Variants in CCT6A observed in about 807,000 individuals in gnomAD.
CCT6A encodes the protein T-complex protein 1 subunit zeta.
Under a neutral mutation model 58.6 loss-of-function variants are expected in CCT6A, and 6 were observed. That is an observed-to-expected ratio of 0.10 (90% CI 0.06 to 0.20). CCT6A has a LOEUF of 0.20. Ranked by LOEUF, CCT6A falls within the 10% of genes least tolerant of loss-of-function variation. The pLI is 1.00. For missense variants in CCT6A, 516 were observed against 648.8 expected, an observed-to-expected ratio of 0.80 and a Z score of 2.22; for synonymous variants, 245 against 227.8, an observed-to-expected ratio of 1.08 and a Z score of -0.68.
intron 12 of CCT6A, 197 bp downstream of exon 12, chr7:56,062,046 T>G: frequency 2.6e-4 from 110 of 425,694 alleles, no homozygotes; most frequent in East Asian, 3.8e-4. Flanking sequence ...TAGACATGAG[T>G]AATTTGGGGA....
At chr7:56,060,640 G>C in intron 10 of CCT6A, 167 bp from the exon 11 acceptor site, 1 of 982,416 alleles carries the variant, frequency 1.0e-6, no homozygotes, top group South Asian at 1.3e-5. Flanking sequence ...GCTGCCAGTG[G>C]CTAGTGAAGC....
chr7:56,055,551 AT>A, intron 3 of CCT6A, 72 bp from the exon 4 acceptor site: 2 of 1,283,646 alleles, frequency 1.6e-6, no homozygotes, highest in Non-Finnish European at 2.2e-6. Context: ...TCCTTCAATA[AT>A]TACCTGAACT....
intron 2 of CCT6A, among the ~76,000 whole-genome samples, chr7:56,052,802 TTTTTTTA>T (rs1221377310): frequency 5.2e-3 from 122 of 23,534 alleles, no homozygotes; most frequent in Non-Finnish European, 0.01. Flanking sequence ...TCTTTTTTTT[TTTTTTTA>T]ATTAGACGAA....
rs192970041 is a variant in CCT6A at position 56,060,407 on chromosome 7, A to C, written c.1204A>C (p.Ile402Leu). Residue 402 changes from isoleucine to leucine, a missense_variant, in exon 10 of 14, where the codon ATT (isoleucine) becomes CTT (leucine). Physicochemically the swap from Ile to Leu is conservative, Grantham distance 5. Transcript: ENST00000275603. ...RDGLRAVKNAIDDGCVVPGAG... is the reference protein window; with the variant it reads ...RDGLRAVKNALDDGCVVPGAG... ...CGGCTTGAGGGCTGTCAAAAATGCTATTGATGATGGTAAGATCCTCACTGT... is the reference window on the plus strand; with the variant it reads ...CGGCTTGAGGGCTGTCAAAAATGCTCTTGATGATGGTAAGATCCTCACTGT... 2 of 1,614,056 alleles carry C rather than the reference A, an allele frequency of 1.2e-6. No homozygotes were observed. The highest frequency in any genetic ancestry group is 8.5e-7 in the Non-Finnish European group (1 of 1,179,918).
intron 10 of CCT6A, 157 bp downstream of exon 10, chr7:56,060,573 A>G: frequency 1.1e-6 from 1 of 945,462 alleles, no homozygotes; most frequent in Non-Finnish European, 1.7e-6. Context: ...GGTTTTTCAT[A>G]GCATATCATT....
intron 5 of CCT6A, 32 bp downstream of exon 5, chr7:56,056,446 G>A: frequency 9.6e-7 from 1 of 1,038,488 alleles, no homozygotes; most frequent in Non-Finnish European, 1.5e-6. Flanking sequence ...AATACTAATG[G>A]GCATGGAGGC....
At chr7:56,056,247 T>C in intron 4 of CCT6A, 64 bp from the exon 5 acceptor site, 2 of 883,368 alleles carry the variant, frequency 2.3e-6, no homozygotes, top group Non-Finnish European at 3.9e-6. Flanking sequence ...TTTAGCCTTC[T>C]GAAAAGCAAC....
intron 4 of CCT6A, 165 bp downstream of exon 4, chr7:56,055,962 A>C (rs1039380178): frequency 1.8e-6 from 1 of 569,042 alleles, no homozygotes; most frequent in African/African-American, 1.9e-5. Context: ...GGAAATTAAA[A>C]TAATAGTATA....
chr7:56,061,692 TTTAC>T, intron 11 of CCT6A, 51 bp from the exon 12 acceptor site: 1 of 523,416 alleles, frequency 1.9e-6, no homozygotes, highest in South Asian at 2.2e-5. Flanking sequence ...TTTTTTTTTT[TTTAC>T]TATCAGTTAT....
chr7:56,053,940 C>T (rs1794247521), intron 2 of CCT6A, among the ~76,000 whole-genome samples: 1 of 152,218 alleles, frequency 6.6e-6, no homozygotes, highest in Non-Finnish European at 1.5e-5. Flanking sequence ...TCTCTCCAAT[C>T]TCCAGAAGTC....
chr7:56,061,044 G>A, intron 11 of CCT6A, 104 bp downstream of exon 11: 2 of 1,306,864 alleles, frequency 1.5e-6, no homozygotes, highest in South Asian at 3.0e-5. Context: ...AAGCAAGTTT[G>A]ATCAGTTTTC....
intron 2 of CCT6A, among the ~76,000 whole-genome samples, chr7:56,054,157 G>A (rs1794254665): frequency 7.2e-6 from 1 of 139,424 alleles, no homozygotes; most frequent in South Asian, 2.4e-4. Flanking sequence ...CATCTGTAAA[G>A]TAGAGATAAC....
chr7:56,060,943 G>A lies in CCT6A; in HGVS notation c.1347+3G>A. 5.6e-6 allele frequency: 9 copies of A among 1,601,920 alleles called. No individual in the cohort carries two copies. Among genetic ancestry groups the A allele is most frequent in the Non-Finnish European group, 7.7e-6 (9 of 1,176,258 alleles). On this transcript the variant is annotated splice_donor_region_variant and intron_variant, in intron 11 of 13. Transcript: ENST00000275603. Reference sequence around the variant, plus strand: ...ATGCATTGCTCATTATTCCCAAGGTGTGCATGCTTTTAACAGTCAATCTTC... The same window carrying A: ...ATGCATTGCTCATTATTCCCAAGGTATGCATGCTTTTAACAGTCAATCTTC...
At chr7:56,053,733 A>G (rs575476740) in intron 2 of CCT6A, among the ~76,000 whole-genome samples, 1 of 152,290 alleles carries the variant, frequency 6.6e-6, no homozygotes, top group South Asian at 2.1e-4. Context: ...ATTCCAGTGT[A>G]GGAGACAGAG....
In CCT6A at chr7:56,051,896, G is replaced by C; in HGVS notation, c.48G>C (p.Ala16=). 6.4e-7 allele frequency: 1 copy of C among 1,556,624 alleles called. No homozygotes were observed. Among genetic ancestry groups the C allele is most frequent in the Non-Finnish European group, 8.7e-7 (1 of 1,150,556 alleles). The change falls in exon 1 of 14, where the codon GCG becomes GCC. Residue 16 remains alanine, a synonymous_variant. Transcript: ENST00000275603. ...ACCCCAAGGCCGAGGTGGCCCGAGC[G>C]CAGGCGGCGCTGGCGGTCAACATCA... ...TLNPKAEVAR[A]QAALAVNISA...
chr7:56,057,090 T>A (rs1242561053), intron 5 of CCT6A, among the ~76,000 whole-genome samples: 2 of 152,058 alleles, frequency 1.3e-5, no homozygotes, highest in East Asian at 1.9e-4. Flanking sequence ...ATGGCAATTT[T>A]AAAAATATCT....
Position 56,063,448 on chromosome 7 carries a change from A to G in CCT6A, c.*363A>G, listed in dbSNP as rs145076354. 1.1e-3 allele frequency: 264 copies of G among 232,460 alleles called. 1 individual carries two copies. The Middle Eastern group carries it at 0.025, about 22-fold the overall frequency. The allele number at this position is 232,460 out of a possible 1,614,324, so 14.4% of individuals were successfully genotyped here. A position where few individuals can be genotyped will look rare whatever the true frequency, so the allele number is the denominator to read the frequency against. ...ATGTGGACGTATGTTAAATTATCCA[A>G]CTACCCTATTGTTAAGCATTTGGTT... On this transcript the variant is annotated 3_prime_UTR_variant, in exon 14 of 14. Transcript: ENST00000275603.
At position 56,055,736 on chromosome 7, in the gene CCT6A, A is replaced by T. The variant is rs779338195; in HGVS notation, c.449A>T (p.Asp150Val). 46 of 1,613,694 alleles carry T rather than the reference A, an allele frequency of 2.9e-5. No individual in the cohort carries two copies. The highest frequency in any genetic ancestry group is 3.6e-5 in the Non-Finnish European group (42 of 1,179,736). Reference protein sequence around the residue: ...SREMDRETLIDVARTSLRTKV... With the variant: ...SREMDRETLIVVARTSLRTKV... ...GAGATGGACAGGGAAACACTTATAG[A>T]TGTGGCCAGAACATCTCTTCGTACT... The change falls in exon 4 of 14, where the codon GAT becomes GTT. Residue 150 changes from aspartate to valine, a missense_variant. Asp to Val is a radical substitution (Grantham distance 152). This residue lies in a region of CCT6A where 85 missense variants were observed against 74.9 expected (regional missense o/e 1.13). Coordinates refer to ENST00000275603, the MANE Select transcript of CCT6A (RefSeq NM_001762.4).
rs1381183129 is a variant in CCT6A, at chr7:56,054,514, C to G, written c.336+11C>G. On this transcript the variant is annotated intron_variant, in intron 3 of 13. Transcript: ENST00000275603. ...CTCTACATTTCTGAAGTATGCACAA[C>G]TCTTGTTTCTGTAATTTTTTTTTGT... 1 of 1,600,676 alleles carries G rather than the reference C, an allele frequency of 6.2e-7. No homozygotes were observed. The highest frequency in any genetic ancestry group is 1.1e-5 in the South Asian group (1 of 89,114).
Sources: allele counts gnomAD v4.1 joint callset (sites outside exome capture counted in the v4.1 genomes callset), GRCh38; gene constraint gnomAD v4.1.1; regional missense constraint gnomAD v4.1.1; transcripts MANE v1.5; gene names NCBI Gene and HGNC (gene_info 2026-07-23, HGNC 2026-07-21).